The following ENTPD4 variants were observed in gnomAD, a reference collection of about 807,000 sequenced individuals.
The protein encoded by ENTPD4 is Golgi UDPase.
A neutral mutation model predicts 79.1 loss-of-function variants in ENTPD4; 60 were observed. The observed-to-expected ratio is 0.76, with a 90% CI of 0.62 to 0.94. The LOEUF (loss-of-function observed/expected upper bound fraction) is 0.94, where lower values mean the gene tolerates loss of function less well. Among genes scored for constraint, ENTPD4 ranks in the 40% least tolerant of loss-of-function variants. The pLI is 0.00. For synonymous variants in ENTPD4, 276 were observed against 292.0 expected (o/e 0.95, Z 0.56); for missense variants, 772 against 775.1 (o/e 1.00, Z 0.05).
chr8:23,433,049 C>T lies in ENTPD4; in HGVS notation c.1728G>A (p.Leu576=). 6.2e-7 allele frequency: 1 copy of T among 1,614,166 alleles called. No individual in the cohort carries two copies. The highest frequency in any genetic ancestry group is 1.3e-5 in the African/African-American group (1 of 75,038). Residue 576 remains leucine (L), a synonymous_variant, in exon 13 of 13, where the codon CTG becomes CTA. Coordinates refer to ENST00000358689, the MANE Select transcript of ENTPD4 (RefSeq NM_004901.5). The part of the protein sequence containing the change: ...LFSGCFLVVL[L]AILLYLLRLR... ...GCCGCAGCAGGTACAGCAGGATGGC[C>T]AGCAGCACCACCAGGAAGCAGCCAG...
At chr8:23,449,017 G>C in intron 2 of ENTPD4, 78 bp from the exon 3 acceptor site, 1 of 1,243,596 alleles carries the variant, frequency 8.0e-7, no homozygotes, top group Non-Finnish European at 1.2e-6. Context: ...CCTAAAATAA[G>C]ATATTTGGCT....
At chr8:23,433,357 C>T (rs1008427813) in intron 12 of ENTPD4, among the ~76,000 whole-genome samples, 9 of 152,222 alleles carry the variant, frequency 5.9e-5, no homozygotes, top group East Asian at 1.9e-4. Flanking sequence ...ACTCTGAAGT[C>T]GGTCATTATA....
At position 23,450,012 on chromosome 8, in the gene ENTPD4, G is replaced by A. The variant is rs1800831160; in HGVS notation, c.-97-15C>T. The A allele has an allele frequency of 7.5e-7, 1 of 1,338,682 alleles. No homozygotes were observed. The highest frequency in any genetic ancestry group is 1.4e-5 in the African/African-American group (1 of 69,366). 82.9% of individuals were successfully genotyped at this position (1,338,682 alleles called of 1,614,324 possible). ...TTAGAGCCCTCCTGTTCCAGGAAGT[G>A]AGACAAATCACAAAGATAGCATCAT... On this transcript the variant is annotated splice_polypyrimidine_tract_variant and intron_variant, in intron 1 of 12. Coordinates refer to ENST00000358689, the MANE Select transcript of ENTPD4 (RefSeq NM_004901.5).
chr8:23,452,700 G>A (rs951097338), intron 1 of ENTPD4, among the ~76,000 whole-genome samples: 1 of 152,102 alleles, frequency 6.6e-6, no homozygotes, highest in Admixed American at 6.5e-5. Flanking sequence ...ACGTACCCTA[G>A]GCTCCAGCCA....
In ENTPD4 at chr8:23,436,978, T is replaced by A. The variant is rs117655902; in HGVS notation, c.1330A>T (p.Met444Leu). Residue 444 changes from methionine (M) to leucine (L), a missense_variant, in exon 10 of 13, where the codon ATG (methionine) becomes TTG (leucine). Physicochemically the swap from Met to Leu is conservative, Grantham distance 15 (BLOSUM62 2). Coordinates refer to ENST00000358689, the MANE Select transcript of ENTPD4 (RefSeq NM_004901.5). ...TTAGCAGCATTGTAGTCTCCCCCCA[T>A]TCGTAACACATCCTCGGTGCAGTAG... ...FYYCTEDVLR[M>L]GGDYNAAKFT... is the part of the protein sequence containing the mutation. 1 of 1,612,238 alleles carries A rather than the reference T, an allele frequency of 6.2e-7. No homozygotes were observed. The highest frequency in any genetic ancestry group is 1.7e-5 in the Admixed American group (1 of 59,776).
chr8:23,447,810 G>A lies in ENTPD4; in HGVS notation c.282C>T (p.Asp94=), dbSNP rs139187515. Residue 94 remains aspartate, a synonymous_variant, in exon 4 of 13, where the codon GAC becomes GAT. Transcript: ENST00000358689. ...NPNVNYGIVV[D]CGSSGSRVFV... is the part of the protein sequence containing the mutation. The stretch of plus-strand genomic sequence containing the variant: ...ATACTCGAGACCCACTGCTACCACA[G>A]TCCACCACGATCCCATAGTTCACAT... 2.0e-5 allele frequency: 32 copies of A among 1,614,026 alleles called. No homozygotes were observed. Among genetic ancestry groups the A allele is most frequent in the African/African-American group, 2.7e-5 (2 of 74,912 alleles).
chr8:23,430,739 G>T lies in ENTPD4; in HGVS notation c.*2187C>A. On this transcript the variant is annotated 3_prime_UTR_variant, in exon 13 of 13. Transcript: ENST00000358689. ...AAGGCGGGGTCCCCTAACTCCCTGG[G>T]TGCCCACCTGCCCACTTCAACCATT... is the stretch of plus-strand genomic sequence containing the variant. The T allele has an allele frequency of 2.0e-6, 2 of 985,510 alleles. No homozygotes were observed. The highest frequency in any genetic ancestry group is 1.2e-6 in the Non-Finnish European group (1 of 830,048). 61.0% of individuals were successfully genotyped at this position (985,510 alleles called of 1,614,324 possible). A position where few individuals can be genotyped will look rare whatever the true frequency, so the allele number is the denominator to read the frequency against.
intron 9 of ENTPD4, among the ~76,000 whole-genome samples, chr8:23,438,152 A>G (rs1419259563): frequency 2.0e-5 from 3 of 152,206 alleles, no homozygotes; most frequent in Non-Finnish European, 2.9e-5. Context: ...TTGTGTGTGC[A>G]TGCCTTCAAG....
Position 23,449,974 on chromosome 8 carries a change from G to C in ENTPD4, c.-74C>G. On this transcript the variant is annotated 5_prime_UTR_variant, in exon 2 of 13. Transcript: ENST00000358689. ...CAAACAATTATAGAAATAATGCTGG[G>C]GTCCTCACGGAGTTAGAGCCCTCCT... is the stretch of plus-strand genomic sequence containing the variant. 1 of 1,604,672 alleles carries C rather than the reference G, an allele frequency of 6.2e-7. No individual in the cohort carries two copies. The highest frequency in any genetic ancestry group is 8.5e-7 in the Non-Finnish European group (1 of 1,171,572).
In ENTPD4 at chr8:23,433,099, A is replaced by T; in HGVS notation, c.1678T>A (p.Phe560Ile). Residue 560 changes from phenylalanine to isoleucine, a missense_variant, in exon 13 of 13, where the codon TTT becomes ATT. Physicochemically the swap from Phe to Ile is conservative, Grantham distance 21. Coordinates refer to ENST00000358689, the MANE Select transcript of ENTPD4 (RefSeq NM_004901.5). Reference sequence around the variant, plus strand: ...GAGAACAGGTAGTGGTTGTAGACAAAGGAAACGCCCCGCCAGTGGGTGTGA... The same window carrying T: ...GAGAACAGGTAGTGGTTGTAGACAATGGAAACGCCCCGCCAGTGGGTGTGA... ...ASHTHWRGVS[F>I]VYNHYLFSGC... The T allele has an allele frequency of 6.2e-7, 1 of 1,614,160 alleles. No individual in the cohort carries two copies. The highest frequency in any genetic ancestry group is 8.5e-7 in the Non-Finnish European group (1 of 1,180,032).
In ENTPD4 at chr8:23,443,886, C is replaced by T; in HGVS notation, c.631G>A (p.Asp211Asn). The stretch of plus-strand genomic sequence containing the variant: ...CCAGAAATTACTTCTGCATGAGAGT[C>T]AGAAAACAGAAAGTCAAAGTGCACG... ...IPVHFDFLFSDSHAEVISGKQ... is the reference protein window; with the variant it reads ...IPVHFDFLFSNSHAEVISGKQ... Residue 211 changes from aspartate to asparagine, a missense_variant, in exon 6 of 13, where the codon GAC becomes AAC. Physicochemically the swap from Asp to Asn is conservative, Grantham distance 23. Transcript: ENST00000358689. 6.2e-7 allele frequency: 1 copy of T among 1,613,712 alleles called. No individual in the cohort carries two copies. Among genetic ancestry groups the T allele is most frequent in the Non-Finnish European group, 8.5e-7 (1 of 1,179,690 alleles).
At position 23,441,553 on chromosome 8, in the gene ENTPD4, T is replaced by C. The variant is rs145014311; in HGVS notation, c.882+16A>G. 1.3e-5 allele frequency: 21 copies of C among 1,607,648 alleles called. No individual in the cohort carries two copies. Among genetic ancestry groups the C allele is most frequent in the Admixed American group, 3.4e-5 (2 of 58,966 alleles). On this transcript the variant is annotated intron_variant, in intron 8 of 12. Coordinates refer to ENST00000358689, the MANE Select transcript of ENTPD4 (RefSeq NM_004901.5). ...AAAACCAAACCAAACAGAAGGAAAT[T>C]TGTACAGATAATGACCTGCTGTGAG...
In ENTPD4 at chr8:23,429,762, C is replaced by T. The variant is rs1223243976; in HGVS notation, c.*3164G>A. Reference sequence around the variant, plus strand: ...GGCCCCATGTTACTGGCCTCAGCCACCAGCAGCGTCTTCACTCCGCCCAGG... The same window carrying T: ...GGCCCCATGTTACTGGCCTCAGCCATCAGCAGCGTCTTCACTCCGCCCAGG... On this transcript the variant is annotated 3_prime_UTR_variant, in exon 13 of 13. Coordinates refer to ENST00000358689, the MANE Select transcript of ENTPD4 (RefSeq NM_004901.5). 4 of 985,348 alleles carry T rather than the reference C, an allele frequency of 4.1e-6. No individual in the cohort carries two copies. Among genetic ancestry groups the T allele is most frequent in the Non-Finnish European group, 4.8e-6 (4 of 829,956 alleles). The allele number at this position is 985,348 out of a possible 1,614,324, so 61.0% of individuals were successfully genotyped here.
chr8:23,447,679 C>T lies in ENTPD4; in HGVS notation c.412+1G>A. ...CCAGGCAGATGTTCTCATTTACATA[C>T]CCGGTTTTATCTTCATGACCACTGG... On this transcript the variant is annotated splice_donor_variant, in intron 4 of 12. Transcript: ENST00000358689. LOFTEE classifies it high-confidence loss of function. 4 of 1,612,366 alleles carry T rather than the reference C, an allele frequency of 2.5e-6. No homozygotes were observed. The highest frequency in any genetic ancestry group is 3.4e-6 in the Non-Finnish European group (4 of 1,178,430).
chr8:23,441,443 G>A, intron 8 of ENTPD4, 126 bp downstream of exon 8: 1 of 1,496,976 alleles, frequency 6.7e-7, no homozygotes, highest in Middle Eastern at 2.0e-4. Flanking sequence ...TTTCTCCTGG[G>A]TTGAGAGGCG....
chr8:23,453,106 G>A (rs995636227), intron 1 of ENTPD4, among the ~76,000 whole-genome samples: 5 of 152,238 alleles, frequency 3.3e-5, no homozygotes, highest in South Asian at 4.1e-4. Context: ...GGCAGTGGAG[G>A]AAATAAAACA....
At chr8:23,433,181 A>G (rs1164990211) in intron 12 of ENTPD4, 27 bp from the exon 13 acceptor site, 2 of 1,594,918 alleles carry the variant, frequency 1.3e-6, no homozygotes, top group African/African-American at 2.7e-5. Context: ...CAAACAACAA[A>G]CAGGACAGTA....
At chr8:23,443,712 T>C (rs1261324561) in intron 6 of ENTPD4, 138 bp downstream of exon 6, 8 of 564,160 alleles carry the variant, frequency 1.4e-5, no homozygotes, top group African/African-American at 7.7e-5. Context: ...TTTAGTAATT[T>C]AAAAATTGTA....
intron 12 of ENTPD4, 22 bp from the exon 13 acceptor site, chr8:23,433,176 A>G: frequency 6.2e-7 from 1 of 1,607,312 alleles, no homozygotes; most frequent in Middle Eastern, 1.7e-4. Flanking sequence ...AACACCAAAC[A>G]ACAAACAGGA....
Sources: gnomAD v4.1 joint callset for allele counts (sites outside exome capture counted in the v4.1 genomes callset) on GRCh38, gnomAD v4.1.1 for gene constraint, MANE v1.5 for transcripts, NCBI Gene and HGNC (gene_info 2026-07-23, HGNC 2026-07-21) for gene names.